Variants in APBB1IP observed in about 807,000 individuals in gnomAD.
APBB1IP encodes the protein amyloid beta A4 precursor protein-binding family B member 1-interacting protein.
In APBB1IP, 27 loss-of-function variants were observed where a neutral mutation model predicts 64.9. The ratio of observed to expected loss-of-function variants is 0.42; its 90% CI spans 0.31 to 0.57. APBB1IP has a LOEUF of 0.57. APBB1IP is among the 20% of genes least tolerant of loss of function. APBB1IP has a pLI of 0.20. For missense variants in APBB1IP, 812 were observed against 845.5 expected, an observed-to-expected ratio of 0.96 and a Z score of 0.49; for synonymous variants, 392 against 331.0, an observed-to-expected ratio of 1.18 and a Z score of -2.00.
chr10:26,453,610 G>C (rs1268119882), intron 2 of APBB1IP, among the ~76,000 whole-genome samples: 1 of 152,072 alleles, frequency 6.6e-6, no homozygotes, highest in Non-Finnish European at 1.5e-5. Flanking sequence ...ATATCCTACT[G>C]ACCTGGCCAT....
chr10:26,547,530 C>T (rs1417143475), intron 11 of APBB1IP, among the ~76,000 whole-genome samples: 4 of 152,122 alleles, frequency 2.6e-5, no homozygotes, highest in African/African-American at 9.7e-5. Context: ...CAACCTCCGC[C>T]TCTCGGGTTC....
intron 6 of APBB1IP, among the ~76,000 whole-genome samples, chr10:26,505,753 A>ACCCATATAT (rs150521876): frequency 0.05 from 7,503 of 151,334 alleles, 547 homozygotes; most frequent in African/African-American, 0.16. Flanking sequence ...GTGCATCTGT[A>ACCCATATAT]CCCATATATC....
At chr10:26,448,222 T>G (rs1835423644) in intron 2 of APBB1IP, among the ~76,000 whole-genome samples, 1 of 152,190 alleles carries the variant, frequency 6.6e-6, no homozygotes, top group Admixed American at 6.5e-5. Flanking sequence ...TTTTAATTTT[T>G]GTAGAGATGA....
At chr10:26,480,500 A>G (rs952653216) in intron 2 of APBB1IP, among the ~76,000 whole-genome samples, 1 of 152,198 alleles carries the variant, frequency 6.6e-6, no homozygotes, top group African/African-American at 2.4e-5. Context: ...GGAGTGATCA[A>G]TAATATTAAA....
chr10:26,508,395 CA>C (rs35547259), intron 6 of APBB1IP, among the ~76,000 whole-genome samples: 5 of 136,822 alleles, frequency 3.7e-5, no homozygotes, highest in South Asian at 4.5e-4. Flanking sequence ...AGTATAGAAG[CA>C]AAAAAAAACA....
intron 10 of APBB1IP, among the ~76,000 whole-genome samples, chr10:26,536,564 G>A (rs1267698092): frequency 1.3e-5 from 2 of 149,850 alleles, no homozygotes; most frequent in Admixed American, 1.3e-4. Flanking sequence ...AATCATAGAG[G>A]TATTGGAAAT....
At chr10:26,446,708 A>G (rs1308241915) in intron 2 of APBB1IP, among the ~76,000 whole-genome samples, 1 of 152,152 alleles carries the variant, frequency 6.6e-6, no homozygotes. Context: ...TAGCTAAAAT[A>G]GGATAAGATA....
chr10:26,505,435 G>A (rs925190544), intron 6 of APBB1IP, among the ~76,000 whole-genome samples: 1 of 152,110 alleles, frequency 6.6e-6, no homozygotes, highest in African/African-American at 2.4e-5. Flanking sequence ...CTCAAACCTT[G>A]GTTAAATCCA....
At chr10:26,451,513 T>G (rs11015119) in intron 2 of APBB1IP, among the ~76,000 whole-genome samples, 60,730 of 152,060 alleles carry the variant, frequency 0.4, 12,271 homozygotes, top group South Asian at 0.5. Context: ...ATTTTGTAAA[T>G]GATGCGTTCT....
At chr10:26,451,810 A>G (rs1835468296) in intron 2 of APBB1IP, among the ~76,000 whole-genome samples, 1 of 152,250 alleles carries the variant, frequency 6.6e-6, no homozygotes, top group Non-Finnish European at 1.5e-5. Context: ...TTGTCCAGGA[A>G]TGAAGGCAAT....
intron 2 of APBB1IP, among the ~76,000 whole-genome samples, chr10:26,439,738 A>T (rs1835319932): frequency 6.6e-6 from 1 of 152,230 alleles, no homozygotes; most frequent in Non-Finnish European, 1.5e-5. Flanking sequence ...GTAACAAAAG[A>T]AAAGGGCCCG....
At chr10:26,556,722 A>T (rs1836899127) in intron 11 of APBB1IP, among the ~76,000 whole-genome samples, 2 of 152,228 alleles carry the variant, frequency 1.3e-5, no homozygotes, top group Admixed American at 1.3e-4. Flanking sequence ...CTTGGTTCTC[A>T]CGTGACATCT....
In APBB1IP at chr10:26,502,593, G is replaced by A. The variant is rs1175229130; in HGVS notation, c.454-604G>A. ...GGAGGCGGAGCTTGTAGTGAGCCAA[G>A]ATCACACTACTGCACTCCAGCCTGG... On this transcript the variant is annotated intron_variant, in intron 5 of 14. Coordinates refer to ENST00000376236, the MANE Select transcript of APBB1IP (RefSeq NM_019043.4). Among the ~76,000 whole-genome samples the A allele has an allele frequency of 3.3e-5, 5 of 149,690 alleles. No individual in the cohort carries two copies. In the Admixed American group the frequency reaches 3.3e-4, roughly 10 times the overall value.
At chr10:26,564,540 C>G in intron 14 of APBB1IP, among the ~76,000 whole-genome samples, 1 of 152,180 alleles carries the variant, frequency 6.6e-6, no homozygotes, top group East Asian at 1.9e-4. Flanking sequence ...TAGTGGCTCA[C>G]GCCTGTAATT....
At chr10:26,473,999 C>CAAAA in intron 2 of APBB1IP, among the ~76,000 whole-genome samples, 1 of 67,342 alleles carries the variant, frequency 1.5e-5, no homozygotes, top group Non-Finnish European at 2.9e-5. Context: ...CACCCTGTCT[C>CAAAA]AAAAAAAAAA....
intron 8 of APBB1IP, among the ~76,000 whole-genome samples, chr10:26,533,187 C>T (rs1246815889): frequency 2.6e-5 from 4 of 152,146 alleles, no homozygotes; most frequent in Admixed American, 2.0e-4. Flanking sequence ...ATGTATTTTT[C>T]GCTACTGTTT....
At chr10:26,551,767 C>T (rs1836833728) in intron 11 of APBB1IP, among the ~76,000 whole-genome samples, 1 of 152,180 alleles carries the variant, frequency 6.6e-6, no homozygotes, top group Admixed American at 6.5e-5. Flanking sequence ...TATTGGCTTT[C>T]TCCCATAGTA....
chr10:26,549,437 C>A (rs1588615731), intron 11 of APBB1IP, among the ~76,000 whole-genome samples: 1 of 152,156 alleles, frequency 6.6e-6, no homozygotes, highest in East Asian at 1.9e-4. Context: ...GTGAAGCCAT[C>A]AGGTCCTGGG....
chr10:26,489,684 C>CCAT (rs1373386524), intron 2 of APBB1IP, among the ~76,000 whole-genome samples: 2 of 152,140 alleles, frequency 1.3e-5, no homozygotes, highest in Non-Finnish European at 2.9e-5. Flanking sequence ...ATTGTTATCA[C>CCAT]CATCATCATC....
Sources: allele counts gnomAD v4.1 joint callset (sites outside exome capture counted in the v4.1 genomes callset), GRCh38; gene constraint gnomAD v4.1.1; transcripts MANE v1.5; gene names NCBI Gene and HGNC (gene_info 2026-07-23, HGNC 2026-07-21).